Variants in TASP1 observed in about 807,000 individuals in gnomAD.
TASP1 encodes the protein taspase 1, also known as threonine aspartase 1.
Under a neutral mutation model 56.6 loss-of-function variants are expected in TASP1, and 16 were observed. The ratio of observed to expected loss-of-function variants is 0.28; its 90% confidence interval spans 0.19 to 0.43. The LOEUF is 0.43. Ranked by LOEUF, TASP1 falls within the 20% of genes least tolerant of loss-of-function variation. The probability of loss-of-function intolerance (pLI) is 1.00; values close to 1 mark genes in which losing one functional copy is unlikely to be tolerated. For synonymous variants in TASP1, 179 were observed against 184.2 expected, an observed-to-expected ratio of 0.97 and a Z score of 0.23; for missense variants, 393 against 511.6, an observed-to-expected ratio of 0.77 and a Z score of 2.24.
the TASP1 span, among the ~76,000 whole-genome samples, chr20:13,367,365 A>G: frequency 6.6e-6 from 1 of 152,226 alleles, no homozygotes; most frequent in African/African-American, 2.4e-5. Flanking sequence ...CCAGATATTC[A>G]TTCCCATTCA....
At chr20:13,423,223 ACT>A (rs1343177222) in intron 12 of TASP1, among the ~76,000 whole-genome samples, 1 of 152,166 alleles carries the variant, frequency 6.6e-6, no homozygotes, top group African/African-American at 2.4e-5. Context: ...AACCAACTAC[ACT>A]GTTTTTCAAA....
the TASP1 span, among the ~76,000 whole-genome samples, chr20:13,187,732 CAAAAAAAAAAAAA>C: frequency 8.7e-5 from 5 of 57,154 alleles, no homozygotes; most frequent in South Asian, 1.9e-3. Flanking sequence ...GACTCCATCT[CAAAAAAAAAAAAA>C]AAAAAAAAAA....
chr20:13,560,796 T>C (rs2046320170), intron 7 of TASP1, among the ~76,000 whole-genome samples: 1 of 151,982 alleles, frequency 6.6e-6, no homozygotes, highest in African/African-American at 2.4e-5. Flanking sequence ...GATGGTTACT[T>C]GAAGAAATAA....
chr20:13,528,003 C>A (rs1248990577), intron 10 of TASP1, among the ~76,000 whole-genome samples: 1 of 151,992 alleles, frequency 6.6e-6, no homozygotes, highest in East Asian at 1.9e-4. Context: ...GGGCAGATCA[C>A]TTGAGGCCAA....
the TASP1 span, among the ~76,000 whole-genome samples, chr20:13,209,324 T>C: frequency 6.6e-6 from 1 of 152,214 alleles, no homozygotes. Flanking sequence ...AAAACCAAGC[T>C]AATATACACA....
chr20:13,533,703 A>G (rs2045311566), intron 9 of TASP1, among the ~76,000 whole-genome samples: 1 of 152,152 alleles, frequency 6.6e-6, no homozygotes, highest in African/African-American at 2.4e-5. Context: ...AAAGAGAGTG[A>G]CATTTACAGA....
rs1156576173 is a variant in TASP1, at chr20:13,528,424, A to T, written c.874+9T>A. Reference sequence around the variant, plus strand: ...AGTTATGAGAAATGGTTATGAAAGCAGCAAATACCTGAGGTACTCACAGCT... The same window carrying T: ...AGTTATGAGAAATGGTTATGAAAGCTGCAAATACCTGAGGTACTCACAGCT... On this transcript the variant is annotated intron_variant, in intron 10 of 13. Transcript: ENST00000337743. The T allele has an allele frequency of 6.2e-7, 1 of 1,602,160 alleles. No individual in the cohort carries two copies. Among genetic ancestry groups the T allele is most frequent in the South Asian group, 1.1e-5 (1 of 88,770 alleles).
the TASP1 span, among the ~76,000 whole-genome samples, chr20:13,140,408 T>C: frequency 6.6e-6 from 1 of 152,150 alleles, no homozygotes; most frequent in African/African-American, 2.4e-5. Context: ...GTTCATCACA[T>C]TGGCACCCAG....
chr20:13,261,332 C>T, the TASP1 span, among the ~76,000 whole-genome samples: 2 of 151,714 alleles, frequency 1.3e-5, no homozygotes, highest in African/African-American at 4.8e-5. Flanking sequence ...GCAGGAGAAT[C>T]GCCTGAACCC....
the TASP1 span, among the ~76,000 whole-genome samples, chr20:13,324,125 C>T: frequency 1.3e-5 from 2 of 152,262 alleles, no homozygotes; most frequent in East Asian, 3.9e-4. Flanking sequence ...AGGTACTATC[C>T]CTGGGACCTA....
the TASP1 span, among the ~76,000 whole-genome samples, chr20:13,138,740 C>G: frequency 6.6e-6 from 1 of 152,208 alleles, no homozygotes; most frequent in Admixed American, 6.5e-5. Context: ...TCTATAGCCT[C>G]TTTCCCATTC....
intron 13 of TASP1, among the ~76,000 whole-genome samples, chr20:13,416,062 C>G (rs113219711): frequency 1.3e-5 from 2 of 152,110 alleles, no homozygotes; most frequent in Admixed American, 6.6e-5. Flanking sequence ...ATGGTAGCCA[C>G]GAGCCACATG....
chr20:13,442,437 C>T (rs982270054), intron 11 of TASP1, among the ~76,000 whole-genome samples: 1 of 151,870 alleles, frequency 6.6e-6, no homozygotes, highest in Non-Finnish European at 1.5e-5. Flanking sequence ...AGTTCAAGAC[C>T]GTCTTGGTCT....
chr20:13,197,132 G>C, the TASP1 span, among the ~76,000 whole-genome samples: 1 of 152,178 alleles, frequency 6.6e-6, no homozygotes, highest in Non-Finnish European at 1.5e-5. Context: ...CTGGAGGCAG[G>C]GGTGCAACAC....
intron 4 of TASP1, chr20:13,617,081 T>C (rs2048549565): frequency 2.2e-6 from 1 of 455,706 alleles, no homozygotes; most frequent in South Asian, 1.6e-5. Flanking sequence ...ACATGGATAC[T>C]TGGCTGGATG....
chr20:13,408,249 G>A (rs1054123512), intron 13 of TASP1, among the ~76,000 whole-genome samples: 1 of 152,012 alleles, frequency 6.6e-6, no homozygotes, highest in African/African-American at 2.4e-5. Flanking sequence ...GGGATAAAGG[G>A]TCCAACTTCA....
At chr20:13,247,751 G>C in the TASP1 span, among the ~76,000 whole-genome samples, 1 of 152,158 alleles carries the variant, frequency 6.6e-6, no homozygotes, top group Non-Finnish European at 1.5e-5. Flanking sequence ...ACCACGACAG[G>C]AAGTGACTTA....
chr20:13,597,526 G>A (rs529961171), intron 4 of TASP1, among the ~76,000 whole-genome samples: 1 of 152,102 alleles, frequency 6.6e-6, no homozygotes, highest in Non-Finnish European at 1.5e-5. Context: ...CTGATGGAAT[G>A]TATCTCAAAA....
chr20:13,425,213 T>C (rs1410636505), intron 12 of TASP1, among the ~76,000 whole-genome samples: 4 of 152,170 alleles, frequency 2.6e-5, no homozygotes, highest in Admixed American at 2.6e-4. Flanking sequence ...ATGCAAGGCT[T>C]TGCCTCCTAG....
Sources: allele counts gnomAD v4.1 joint callset (sites outside exome capture counted in the v4.1 genomes callset), GRCh38; gene constraint gnomAD v4.1.1; transcripts MANE v1.5; gene names NCBI Gene and HGNC (gene_info 2026-07-23, HGNC 2026-07-21).